HCRTR2: variants seen among roughly 807,000 people sequenced by gnomAD.
HCRTR2 encodes the protein orexin receptor type 2.
In HCRTR2, 22 loss-of-function variants were observed where a neutral mutation model predicts 49.0. The ratio of observed to expected loss-of-function variants is 0.45; its 90% CI spans 0.32 to 0.64. The LOEUF is 0.64. Among genes scored for constraint, HCRTR2 ranks in the 30% least tolerant of loss-of-function variants. The probability of loss-of-function intolerance (pLI) is 0.04; values close to 1 mark genes in which losing one functional copy is unlikely to be tolerated. For missense variants in HCRTR2, 491 were observed against 559.4 expected (o/e 0.88, Z 1.23); for synonymous variants, 236 against 205.3 (o/e 1.15, Z -1.28).
chr6:55,178,111 G>A (rs994406775), intron 1 of HCRTR2, among the ~76,000 whole-genome samples: 6 of 152,044 alleles, frequency 3.9e-5, no homozygotes, highest in African/African-American at 1.2e-4. Flanking sequence ...TGTATATCAG[G>A]GGAGCCTCTG....
rs923345695 is a variant in HCRTR2, at chr6:55,201,747, C to T, written c.223+26937C>T. On this transcript the variant is annotated intron_variant, in intron 1 of 6. Transcript: ENST00000370862. ...TCTATGACTGATACTCAACCTCTTG[C>T]TTAGCGAGAAGATAATTAAAATATT... 9.2e-5 allele frequency among the ~76,000 whole-genome samples: 14 copies of T among 152,136 alleles called. 1 individual carries two copies. Among genetic ancestry groups the T allele is most frequent in the African/African-American group, 3.1e-4 (13 of 41,438 alleles).
intron 1 of HCRTR2, among the ~76,000 whole-genome samples, chr6:55,147,258 A>AATTT (rs1431092767): frequency 6.6e-6 from 1 of 152,286 alleles, no homozygotes; most frequent in Admixed American, 6.5e-5. Flanking sequence ...TATATACATT[A>AATTT]ATTCATATTT....
Position 55,269,774 on chromosome 6 carries a change from C to T in HCRTR2, c.762+5952C>T, listed in dbSNP as rs1426698005. On this transcript the variant is annotated intron_variant, in intron 4 of 6. Transcript: ENST00000370862. ...AGGAGATCAAGACCAGCATAGTCAA[C>T]GTGGTGAAACCATGTTTCTACTAAA... Among the ~76,000 whole-genome samples, 6 of 152,130 alleles carry T rather than the reference C, an allele frequency of 3.9e-5. 1 individual carries two copies. The highest frequency in any genetic ancestry group is 9.6e-5 in the African/African-American group (4 of 41,508).
chr6:55,116,715 G>GAGAGAAAAAAAA (rs55778468), intron 1 of HCRTR2, among the ~76,000 whole-genome samples: 15 of 88,520 alleles, frequency 1.7e-4, no homozygotes, highest in Non-Finnish European at 1.6e-4. Flanking sequence ...AAGAGAGAGA[G>GAGAGAAAAAAAA]AAAAAAAAAA....
Position 55,248,655 on chromosome 6 carries a change from G to A in HCRTR2, c.240G>A (p.Trp80Ter). 2 of 1,613,114 alleles carry A rather than the reference G, an allele frequency of 1.2e-6. No individual in the cohort carries two copies. The highest frequency in any genetic ancestry group is 1.7e-6 in the Non-Finnish European group (2 of 1,179,328). The change falls in exon 2 of 7, where the codon TGG becomes TGA. Residue 80 changes from tryptophan to a stop codon, truncating the protein, a stop_gained. Transcript: ENST00000370862. LOFTEE classifies it high-confidence loss of function. The stretch of plus-strand genomic sequence containing the variant: ...TCAAATTAGTTTGTGTGGCAGTGTG[G>A]AAGAACCACCACATGAGGACGGTAA... ...IGNVLVCVAV[W>*]KNHHMRTVTN...
chr6:55,181,212 G>C (rs1765128708), intron 1 of HCRTR2, among the ~76,000 whole-genome samples: 1 of 152,070 alleles, frequency 6.6e-6, no homozygotes, highest in Non-Finnish European at 1.5e-5. Flanking sequence ...ATGACCTTTA[G>C]ATACTGACTT....
rs375131143 is a variant in HCRTR2 at position 55,144,286 on chromosome 6, A to AT, written c.-377-29916dup. The stretch of plus-strand genomic sequence containing the variant: ...CGCCACCACGTCTGGCTAATTTTGT[A>AT]TTTTTTTTTAGTAGGGACGGGGTTT... On this transcript the variant is annotated intron_variant, in intron 1 of 7. Transcript: ENST00000615358. Among the ~76,000 whole-genome samples the AT allele has an allele frequency of 1.9e-3, 290 of 149,302 alleles. 2 individuals are homozygous for AT. The highest frequency in any genetic ancestry group is 6.4e-3 in the African/African-American group (259 of 40,612).
intron 1 of HCRTR2, among the ~76,000 whole-genome samples, chr6:55,135,421 G>C (rs984786469): frequency 6.6e-6 from 1 of 151,976 alleles, no homozygotes; most frequent in Non-Finnish European, 1.5e-5. Flanking sequence ...TCAGAATATC[G>C]TAAAACCTCT....
At chr6:55,224,853 AGTTGGGGTAAGATGTG>A (rs1765971798) in intron 1 of HCRTR2, among the ~76,000 whole-genome samples, 1 of 152,104 alleles carries the variant, frequency 6.6e-6, no homozygotes. Context: ...GGGTGCTGGG[AGTTGGGGTAAGATGTG>A]GTTGGGGAAA....
intron 2 of HCRTR2, among the ~76,000 whole-genome samples, chr6:55,253,364 A>T (rs1037952059): frequency 7.2e-5 from 11 of 152,076 alleles, no homozygotes; most frequent in Non-Finnish European, 5.9e-5. Flanking sequence ...TGGATCTTAG[A>T]TCTCTTTCAC....
chr6:55,134,898 G>A (rs1244023842), intron 1 of HCRTR2, among the ~76,000 whole-genome samples: 1 of 151,790 alleles, frequency 6.6e-6, no homozygotes, highest in Non-Finnish European at 1.5e-5. Flanking sequence ...TCATTTGTCA[G>A]CACTTAGGTT....
At chr6:55,156,871 A>G (rs1764738496) in intron 1 of HCRTR2, among the ~76,000 whole-genome samples, 1 of 152,174 alleles carries the variant, frequency 6.6e-6, no homozygotes, top group African/African-American at 2.4e-5. Flanking sequence ...GACTAGGAAT[A>G]GAAGGGAACT....
rs1562021448 is a variant in HCRTR2, at chr6:55,248,625, TC to T, written c.224-13del. Reference sequence around the variant, plus strand: ...TCTTTGTTGAGTGCCTATTCCTTTTTCTTTTCAAATTAGTTTGTGTGGCAGT... The same window carrying T: ...TCTTTGTTGAGTGCCTATTCCTTTTTTTTTCAAATTAGTTTGTGTGGCAGT... On this transcript the variant is annotated splice_polypyrimidine_tract_variant and intron_variant, in intron 1 of 6. Transcript: ENST00000370862. 1 of 1,609,578 alleles carries T rather than the reference TC, an allele frequency of 6.2e-7. No individual in the cohort carries two copies. Among genetic ancestry groups the T allele is most frequent in the Admixed American group, 1.7e-5 (1 of 59,902 alleles).
intron 1 of HCRTR2, among the ~76,000 whole-genome samples, chr6:55,181,217 T>C (rs1444137951): frequency 6.6e-6 from 1 of 152,168 alleles, no homozygotes; most frequent in Admixed American, 6.5e-5. Context: ...CTTTAGATAC[T>C]GACTTTGAAA....
chr6:55,159,267 A>AAAAAACAAAAACAAAAAC (rs58118959), intron 1 of HCRTR2, among the ~76,000 whole-genome samples: 4 of 149,372 alleles, frequency 2.7e-5, no homozygotes, highest in African/African-American at 2.5e-5. Flanking sequence ...ATCAACATCA[A>AAAAAACAAAAACAAAAAC]AAAAACAAAA....
rs574618274 is a variant in HCRTR2 at position 55,128,397 on chromosome 6, G to C, written c.-378+21852G>C. On this transcript the variant is annotated intron_variant, in intron 1 of 7. Coordinates refer to the HCRTR2 transcript ENST00000615358. The stretch of plus-strand genomic sequence containing the variant: ...TTCTTTTTGCTTAGGATTGCCTTGG[G>C]TATTCACGCTCTTTTTTGGTTCCAT... 2.0e-5 allele frequency among the ~76,000 whole-genome samples: 3 copies of C among 152,058 alleles called. No individual in the cohort carries two copies. In the East Asian group the frequency reaches 5.8e-4, roughly 29 times the overall value.
intron 1 of HCRTR2, among the ~76,000 whole-genome samples, chr6:55,217,338 G>T (rs1581835773): frequency 6.6e-6 from 1 of 152,168 alleles, no homozygotes; most frequent in Non-Finnish European, 1.5e-5. Flanking sequence ...TAAGCAAGCT[G>T]CAAACTTTTC....
intron 1 of HCRTR2, among the ~76,000 whole-genome samples, chr6:55,245,559 G>C (rs1766427483): frequency 6.9e-6 from 1 of 144,658 alleles, no homozygotes; most frequent in African/African-American, 2.6e-5. Flanking sequence ...ATCTCAAACT[G>C]TCTTAATAGA....
At chr6:55,266,338 C>T (rs1042753176) in intron 4 of HCRTR2, among the ~76,000 whole-genome samples, 1 of 152,126 alleles carries the variant, frequency 6.6e-6, no homozygotes, top group South Asian at 2.1e-4. Context: ...ATAAATAGCA[C>T]ATGCTCAGCA....
Sources: gnomAD v4.1 joint callset for allele counts (sites outside exome capture counted in the v4.1 genomes callset) on GRCh38, gnomAD v4.1.1 for gene constraint, MANE v1.5 for transcripts, NCBI Gene and HGNC (gene_info 2026-07-23, HGNC 2026-07-21) for gene names.